The following CACNA1D variants were observed in gnomAD, a reference collection of about 807,000 sequenced individuals.
CACNA1D encodes the protein voltage-dependent L-type calcium channel subunit alpha-1D.
Under a neutral mutation model 257.1 loss-of-function variants are expected in CACNA1D, and 55 were observed. The observed-to-expected ratio is 0.21, with a 90% confidence interval of 0.17 to 0.27. The LOEUF (loss-of-function observed/expected upper bound fraction) is 0.27. Ranked by LOEUF, CACNA1D falls within the 10% of genes least tolerant of loss-of-function variation. The pLI, the probability that CACNA1D is intolerant of heterozygous loss-of-function variation, is 1.00. For synonymous variants in CACNA1D, 980 were observed against 1,014.9 expected, an observed-to-expected ratio of 0.97 and a Z score of 0.65; for missense variants, 1,876 against 2,784.0, an observed-to-expected ratio of 0.67 and a Z score of 7.34.
At chr3:53,563,119 A>G (rs779179519) in intron 3 of CACNA1D, among the ~76,000 whole-genome samples, 1 of 152,174 alleles carries the variant, frequency 6.6e-6, no homozygotes, top group African/African-American at 2.4e-5. Context: ...GATCCAGTGG[A>G]TATGTGTGGA....
intron 3 of CACNA1D, among the ~76,000 whole-genome samples, chr3:53,610,511 T>A (rs949142137): frequency 9.2e-5 from 14 of 152,198 alleles, no homozygotes; most frequent in Non-Finnish European, 1.9e-4. Flanking sequence ...CTGTTGATGT[T>A]CTTTGTTCTG....
At chr3:53,611,509 G>C (rs574737584) in intron 3 of CACNA1D, among the ~76,000 whole-genome samples, 1 of 152,124 alleles carries the variant, frequency 6.6e-6, no homozygotes, top group South Asian at 2.1e-4. Flanking sequence ...TTAGTGAGAG[G>C]TTTTCTTTGT....
chr3:53,578,098 C>G (rs1398105767), intron 3 of CACNA1D, among the ~76,000 whole-genome samples: 1 of 152,158 alleles, frequency 6.6e-6, no homozygotes, highest in African/African-American at 2.4e-5. Flanking sequence ...TGAGAAGCCC[C>G]TTTCCTGGGG....
At chr3:53,697,454 G>T (rs1399988970) in intron 8 of CACNA1D, among the ~76,000 whole-genome samples, 1 of 152,228 alleles carries the variant, frequency 6.6e-6, no homozygotes, top group Non-Finnish European at 1.5e-5. Flanking sequence ...GTCCGTTCCT[G>T]CCTGCAAGGA....
intron 25 of CACNA1D, among the ~76,000 whole-genome samples, chr3:53,746,671 A>G (rs967884862): frequency 2.6e-5 from 4 of 152,204 alleles, no homozygotes; most frequent in African/African-American, 4.8e-5. Context: ...CACACCGTTC[A>G]TGGCGTCCCT....
intron 19 of CACNA1D, among the ~76,000 whole-genome samples, chr3:53,733,565 T>C (rs188688798): frequency 3.2e-4 from 48 of 152,320 alleles, no homozygotes; most frequent in African/African-American, 1.1e-3. Context: ...CATGTTAAAA[T>C]GATAAGGTGC....
At chr3:53,515,358 C>T (rs1342376369) in intron 3 of CACNA1D, among the ~76,000 whole-genome samples, 3 of 152,114 alleles carry the variant, frequency 2.0e-5, no homozygotes, top group East Asian at 3.9e-4. Flanking sequence ...GATTCTGGCC[C>T]GATGGTCGTG....
chr3:53,523,974 T>G (rs6796526), intron 3 of CACNA1D, among the ~76,000 whole-genome samples: 1 of 152,238 alleles, frequency 6.6e-6, no homozygotes. Flanking sequence ...GTTCATTTGG[T>G]GAATATCTGT....
intron 3 of CACNA1D, among the ~76,000 whole-genome samples, chr3:53,555,461 T>TTG (rs1553725644): frequency 2.0e-5 from 2 of 99,352 alleles, no homozygotes; most frequent in Non-Finnish European, 3.7e-5. Context: ...TGTGTGTGTG[T>TTG]TTTTTTTTTT....
At chr3:53,761,225 A>G (rs996539805) in intron 29 of CACNA1D, among the ~76,000 whole-genome samples, 3 of 152,140 alleles carry the variant, frequency 2.0e-5, no homozygotes, top group Non-Finnish European at 4.4e-5. Context: ...AAAAGCTGAG[A>G]TGGAAGAAGG....
intron 8 of CACNA1D, chr3:53,679,803 T>C (rs769725882): frequency 6.6e-6 from 1 of 152,218 alleles, no homozygotes; most frequent in Non-Finnish European, 1.5e-5. Context: ...TCCCCTTTTC[T>C]GAACCATGAA....
At chr3:53,764,676 T>C (rs2095322840) in intron 30 of CACNA1D, among the ~76,000 whole-genome samples, 1 of 152,230 alleles carries the variant, frequency 6.6e-6, no homozygotes, top group African/African-American at 2.4e-5. Flanking sequence ...CTCCTCCCGC[T>C]GCCCCTGTCC....
intron 3 of CACNA1D, chr3:53,530,262 G>A (rs1297391145): frequency 6.6e-6 from 1 of 152,186 alleles, no homozygotes; most frequent in Non-Finnish European, 1.5e-5. Context: ...TTCCCATAGT[G>A]ATGGTGCATC....
intron 40 of CACNA1D, among the ~76,000 whole-genome samples, chr3:53,787,599 G>A (rs2095462299): frequency 6.6e-6 from 1 of 152,124 alleles, no homozygotes; most frequent in South Asian, 2.1e-4. Context: ...GGCTCCTAGA[G>A]TGTGGATGTG....
intron 37 of CACNA1D, among the ~76,000 whole-genome samples, chr3:53,777,179 G>A (rs542749389): frequency 9.2e-5 from 14 of 152,174 alleles, no homozygotes; most frequent in Non-Finnish European, 1.8e-4. Context: ...TTGTCATTGG[G>A]TGGATGGTAG....
intron 3 of CACNA1D, among the ~76,000 whole-genome samples, chr3:53,513,168 T>C (rs1271403724): frequency 6.6e-6 from 1 of 152,208 alleles, no homozygotes; most frequent in Non-Finnish European, 1.5e-5. Context: ...TTGGCTGACA[T>C]TGCTGAGCTA....
At chr3:53,636,619 A>ATT (rs1344431497) in intron 3 of CACNA1D, among the ~76,000 whole-genome samples, 1 of 151,956 alleles carries the variant, frequency 6.6e-6, no homozygotes, top group East Asian at 1.9e-4. Flanking sequence ...AAAACTATAT[A>ATT]CTCTTATATT....
At chr3:53,651,133 G>A (rs956736305) in intron 4 of CACNA1D, among the ~76,000 whole-genome samples, 1 of 152,066 alleles carries the variant, frequency 6.6e-6, no homozygotes, top group Non-Finnish European at 1.5e-5. Flanking sequence ...TGTTACTCCC[G>A]TTTTTAGTAA....
At chr3:53,644,542 A>G (rs939237435) in intron 3 of CACNA1D, among the ~76,000 whole-genome samples, 4 of 151,618 alleles carry the variant, frequency 2.6e-5, no homozygotes, top group Non-Finnish European at 4.4e-5. Context: ...GTGTTTTTAG[A>G]CTCCTCATAT....
Sources: allele counts gnomAD v4.1 joint callset (sites outside exome capture counted in the v4.1 genomes callset), GRCh38; gene constraint gnomAD v4.1.1; transcripts MANE v1.5; gene names NCBI Gene and HGNC (gene_info 2026-07-23, HGNC 2026-07-21).